SORBS2: variants seen among roughly 807,000 people sequenced by gnomAD.
The protein encoded by SORBS2 is sorbin and SH3 domain containing 2.
A neutral mutation model predicts 97.7 loss-of-function variants in SORBS2; 46 were observed. The observed-to-expected ratio is 0.47, with a 90% CI of 0.37 to 0.60. The LOEUF (loss-of-function observed/expected upper bound fraction) is 0.60, where lower values mean the gene tolerates loss of function less well. SORBS2 is among the 20% of genes least tolerant of loss of function. The pLI is 0.00. For missense variants in SORBS2, 1,316 were observed against 1,282.3 expected, an observed-to-expected ratio of 1.03 and a Z score of -0.40; for synonymous variants, 476 against 473.4, an observed-to-expected ratio of 1.01 and a Z score of -0.07.
chr4:185,738,375 G>A (rs1310139488), intron 2 of SORBS2, among the ~76,000 whole-genome samples: 1 of 152,300 alleles, frequency 6.6e-6, no homozygotes, highest in African/African-American at 2.4e-5. Flanking sequence ...CAGGGGAAGT[G>A]AAGTGTTGGG....
chr4:185,591,478 T>C (rs966757487), intron 13 of SORBS2, among the ~76,000 whole-genome samples: 2 of 152,186 alleles, frequency 1.3e-5, no homozygotes, highest in East Asian at 3.8e-4. Context: ...GATGTTTGCA[T>C]GTGGCCAGCT....
chr4:185,919,864 A>G (rs550492044), intron 1 of SORBS2, among the ~76,000 whole-genome samples: 22 of 152,382 alleles, frequency 1.4e-4, no homozygotes, highest in Non-Finnish European at 3.1e-4. Flanking sequence ...CTGAAGTGGC[A>G]TATATTTGAT....
At chr4:185,915,488 G>C (rs1350152845) in intron 1 of SORBS2, among the ~76,000 whole-genome samples, 1 of 152,182 alleles carries the variant, frequency 6.6e-6, no homozygotes, top group Admixed American at 6.5e-5. Context: ...GGGTAGCCTG[G>C]GGAGGACCAG....
At chr4:185,784,664 A>G (rs564637983) in intron 1 of SORBS2, among the ~76,000 whole-genome samples, 9 of 152,342 alleles carry the variant, frequency 5.9e-5, no homozygotes, top group African/African-American at 2.2e-4. Context: ...GAAACAAAAC[A>G]ATCATCTAAA....
exon 2 of SORBS2, chr4:185,652,679 T>C: frequency 6.2e-7 from 1 of 1,614,126 alleles, no homozygotes; most frequent in African/African-American, 1.3e-5. Context: ...GTGCACCATG[T>C]GAATTTGCTT....
chr4:185,678,736 G>C, intron 3 of SORBS2, 60 bp downstream of exon 6: 1 of 1,234,356 alleles, frequency 8.1e-7, no homozygotes, highest in Middle Eastern at 2.3e-4. Context: ...ATGTGGCTAT[G>C]AATATGTTTT....
At chr4:185,680,280 A>G (rs1009171131) in intron 2 of SORBS2, among the ~76,000 whole-genome samples, 1 of 152,210 alleles carries the variant, frequency 6.6e-6, no homozygotes, top group African/African-American at 2.4e-5. Context: ...GTTAGCTGGG[A>G]CTACAGGTAT....
At chr4:185,844,600 A>G (rs2099213476) in intron 1 of SORBS2, among the ~76,000 whole-genome samples, 1 of 152,194 alleles carries the variant, frequency 6.6e-6, no homozygotes, top group Non-Finnish European at 1.5e-5. Context: ...ATGACCCAGA[A>G]ATTCTACTCC....
Position 185,751,172 on chromosome 4 carries a change from T to TA in SORBS2, c.-198+24054dup, listed in dbSNP as rs71593649. Among the ~76,000 whole-genome samples, 230 of 31,716 alleles carry TA rather than the reference T, an allele frequency of 7.3e-3. 16 individuals carry two copies. The highest frequency in any genetic ancestry group is 0.011 in the Admixed American group (31 of 2,952). The allele number at this position is 31,716 out of a possible 152,430, so 20.8% of individuals were successfully genotyped here. The stretch of plus-strand genomic sequence containing the variant: ...AAGGAATGCTCTTAGCTCTAAATAC[T>TA]AAAAAAAAAAAAAAAAAAAGAGAAA... On this transcript the variant is annotated intron_variant, in intron 2 of 20. Coordinates refer to the SORBS2 transcript ENST00000284776.
At chr4:185,690,686 G>C in intron 2 of SORBS2, 75 bp from the exon 4 acceptor site, 2 of 583,316 alleles carry the variant, frequency 3.4e-6, no homozygotes, top group Non-Finnish European at 3.1e-6. Context: ...TCGCATTTTT[G>C]TTTTTGATGT....
intron 1 of SORBS2, among the ~76,000 whole-genome samples, chr4:185,913,811 C>T (rs1254243215): frequency 1.3e-5 from 2 of 151,964 alleles, no homozygotes; most frequent in Non-Finnish European, 2.9e-5. Flanking sequence ...GAATGTAATC[C>T]CAGGAAAATA....
chr4:185,901,186 C>T (rs544158869), intron 1 of SORBS2, among the ~76,000 whole-genome samples: 3 of 152,002 alleles, frequency 2.0e-5, no homozygotes, highest in African/African-American at 7.2e-5. Flanking sequence ...CTTGCCTTAC[C>T]CAAAATGTTG....
intron 1 of SORBS2, among the ~76,000 whole-genome samples, chr4:185,955,857 C>G (rs907224968): frequency 2.6e-5 from 4 of 152,130 alleles, no homozygotes; most frequent in Non-Finnish European, 5.9e-5. Context: ...CCTCCACCCC[C>G]ACCCCAGGTC....
intron 2 of SORBS2, among the ~76,000 whole-genome samples, chr4:185,764,734 A>G (rs953215907): frequency 6.6e-6 from 1 of 152,156 alleles, no homozygotes; most frequent in African/African-American, 2.4e-5. Flanking sequence ...AGATGTTTTA[A>G]TGCAGGTCTT....
At chr4:185,868,238 C>G (rs1328780157) in intron 1 of SORBS2, among the ~76,000 whole-genome samples, 1 of 143,942 alleles carries the variant, frequency 6.9e-6, no homozygotes, top group Non-Finnish European at 1.5e-5. Flanking sequence ...CTCACTGCAA[C>G]TTCCGCCTCC....
At position 185,884,883 on chromosome 4, in the gene SORBS2, G is replaced by C. The variant is rs367608034; in HGVS notation, c.-338+71313C>G. 2.0e-5 allele frequency among the ~76,000 whole-genome samples: 3 copies of C among 152,262 alleles called. No individual in the cohort carries two copies. The East Asian group carries it at 5.8e-4, about 29-fold the overall frequency. On this transcript the variant is annotated intron_variant, in intron 1 of 20. Transcript: ENST00000284776. ...GAATTTACTACATACTTTATGCAAT[G>C]ATTTTAGTAATCAAGTTACAGTCAT...
At chr4:185,662,284 T>A in intron 4 of SORBS2, 42 bp from the exon 8 acceptor site, 1 of 1,554,612 alleles carries the variant, frequency 6.4e-7, no homozygotes, top group Non-Finnish European at 8.7e-7. Flanking sequence ...TAGCACATAG[T>A]TCCCTGTAAA....
At position 185,610,764 on chromosome 4, in the gene SORBS2, C is replaced by T. The variant is rs10015530; in HGVS notation, c.2796+1016G>A. On this transcript the variant is annotated intron_variant, in intron 12 of 14. Coordinates refer to ENST00000418609, the Ensembl canonical transcript of SORBS2. Reference sequence around the variant, plus strand: ...ATGTTGATTTTATTTTACCAGCTCTCGATGGTTTAGCTTTTCATGTCCTAG... The same window carrying T: ...ATGTTGATTTTATTTTACCAGCTCTTGATGGTTTAGCTTTTCATGTCCTAG... Among the ~76,000 whole-genome samples the T allele has an allele frequency of 4.6e-3, 701 of 151,936 alleles. 4 individuals carry two copies. Among genetic ancestry groups the T allele is most frequent in the African/African-American group, 0.016 (678 of 41,480 alleles).
chr4:185,617,941 G>A (rs929709100), intron 9 of SORBS2, among the ~76,000 whole-genome samples: 3 of 152,146 alleles, frequency 2.0e-5, no homozygotes, highest in African/African-American at 7.2e-5. Context: ...CCCCCAGCTA[G>A]TGTTAATTAC....
Sources: gnomAD v4.1 joint callset for allele counts (sites outside exome capture counted in the v4.1 genomes callset) on GRCh38, gnomAD v4.1.1 for gene constraint, MANE v1.5 for transcripts, NCBI Gene and HGNC (gene_info 2026-07-23, HGNC 2026-07-21) for gene names.